RAB38: variants seen among roughly 807,000 people sequenced by gnomAD.
The protein encoded by RAB38 is RAB38, member RAS oncogene family, also known as ras-related protein Rab-38.
In RAB38, 15 loss-of-function variants were observed where a neutral mutation model predicts 18.4. The observed-to-expected ratio is 0.82, with a 90% CI of 0.55 to 1.26. RAB38 has a LOEUF of 1.26. Ranked by LOEUF, RAB38 falls within the 50% of genes most tolerant of loss-of-function variation. The pLI, the probability that RAB38 is intolerant of heterozygous loss-of-function variation, is 0.00. For missense variants in RAB38, 294 were observed against 267.4 expected (o/e 1.10, Z -0.69); for synonymous variants, 101 against 104.4 (o/e 0.97, Z 0.20).
the RAB38 span, among the ~76,000 whole-genome samples, chr11:87,949,831 AGGTGT>A: frequency 1.3e-5 from 2 of 152,170 alleles, no homozygotes; most frequent in African/African-American, 4.8e-5. Context: ...GTTTTGGAGT[AGGTGT>A]GGTGTGGTGC....
the RAB38 span, among the ~76,000 whole-genome samples, chr11:87,846,125 T>C: frequency 6.6e-6 from 1 of 151,782 alleles, no homozygotes; most frequent in Non-Finnish European, 1.5e-5. Context: ...AAAAGCCAGA[T>C]AATAAATCAA....
At chr11:87,873,239 T>C in the RAB38 span, among the ~76,000 whole-genome samples, 4 of 151,658 alleles carry the variant, frequency 2.6e-5, no homozygotes, top group Non-Finnish European at 5.9e-5. Flanking sequence ...TTGTTATCTG[T>C]ATATCTTCTT....
At chr11:88,071,551 C>T in the RAB38 span, among the ~76,000 whole-genome samples, 3 of 152,232 alleles carry the variant, frequency 2.0e-5, no homozygotes, top group Admixed American at 6.5e-5. Flanking sequence ...AAATTAAAGG[C>T]AATGTTTTAC....
chr11:87,817,645 T>G, the RAB38 span: 2 of 152,174 alleles, frequency 1.3e-5, no homozygotes, highest in Non-Finnish European at 2.9e-5. Flanking sequence ...GGTTCACATA[T>G]TCCTCAATTG....
the RAB38 span, among the ~76,000 whole-genome samples, chr11:88,044,546 G>A: frequency 2.6e-5 from 4 of 152,136 alleles, no homozygotes; most frequent in Non-Finnish European, 4.4e-5. Flanking sequence ...ATACAAACTC[G>A]ACAGTGGTTC....
At chr11:87,943,637 T>C in the RAB38 span, among the ~76,000 whole-genome samples, 4 of 152,294 alleles carry the variant, frequency 2.6e-5, no homozygotes, top group Admixed American at 2.6e-4. Flanking sequence ...GTAAGAGGAT[T>C]CACCATACTT....
chr11:88,083,476 T>C, the RAB38 span, among the ~76,000 whole-genome samples: 1 of 151,892 alleles, frequency 6.6e-6, no homozygotes, highest in Non-Finnish European at 1.5e-5. Flanking sequence ...TCACTGGCAT[T>C]TTAGATTTAA....
At position 88,121,627 on chromosome 11, in the gene RAB38, A is replaced by G. The variant is rs559993556; in HGVS notation, c.484-7487T>C. On this transcript the variant is annotated intron_variant, in intron 2 of 2. Coordinates refer to ENST00000243662, the MANE Select transcript of RAB38 (RefSeq NM_022337.3). ...GCCCAGGCTGGAGTGCAGTGGCACA[A>G]TCTTGGCTCACTGCAAGCTCCACCT... 8.9e-4 allele frequency among the ~76,000 whole-genome samples: 136 copies of G among 152,070 alleles called. 2 individuals carry two copies. The highest frequency in any genetic ancestry group is 3.2e-3 in the African/African-American group (133 of 41,498).
the RAB38 span, among the ~76,000 whole-genome samples, chr11:88,074,760 T>C: frequency 3.9e-5 from 6 of 152,290 alleles, no homozygotes; most frequent in South Asian, 8.3e-4. Context: ...AGGCACAGGA[T>C]AGCTGAATGA....
At chr11:87,841,487 T>C in the RAB38 span, among the ~76,000 whole-genome samples, 58 of 152,348 alleles carry the variant, frequency 3.8e-4, no homozygotes, top group Non-Finnish European at 6.5e-4. Flanking sequence ...TTAATCACTA[T>C]AATTTCTGAA....
the RAB38 span, among the ~76,000 whole-genome samples, chr11:87,818,130 C>T: frequency 3.3e-5 from 5 of 152,110 alleles, no homozygotes; most frequent in African/African-American, 9.7e-5. Context: ...GCTCCATTTC[C>T]AGAGTTTCTT....
the RAB38 span, among the ~76,000 whole-genome samples, chr11:88,093,385 A>G: frequency 6.6e-6 from 1 of 151,930 alleles, no homozygotes; most frequent in Non-Finnish European, 1.5e-5. Flanking sequence ...GGAAGTGACT[A>G]CTAATGGTTA....
the RAB38 span, among the ~76,000 whole-genome samples, chr11:87,865,408 C>G: frequency 6.6e-6 from 1 of 151,674 alleles, no homozygotes. Context: ...AGATGCTATA[C>G]TCCTGGCTTT....
intron 2 of RAB38, among the ~76,000 whole-genome samples, chr11:88,131,462 C>T (rs1591161145): frequency 6.6e-6 from 1 of 152,184 alleles, no homozygotes; most frequent in African/African-American, 2.4e-5. Context: ...GTAGCTAAAA[C>T]TTTATTTCCC....
At chr11:87,830,530 T>C in the RAB38 span, among the ~76,000 whole-genome samples, 15,379 of 151,450 alleles carry the variant, frequency 0.1, 899 homozygotes, top group African/African-American at 0.14. Flanking sequence ...GTTTATTGAG[T>C]CCTTGTATGC....
At chr11:88,129,968 G>T (rs573924553) in intron 2 of RAB38, among the ~76,000 whole-genome samples, 1 of 152,148 alleles carries the variant, frequency 6.6e-6, no homozygotes, top group Non-Finnish European at 1.5e-5. Flanking sequence ...TTGAACCAAG[G>T]ATAGTGTAGG....
At chr11:87,907,889 T>C in the RAB38 span, among the ~76,000 whole-genome samples, 2 of 151,830 alleles carry the variant, frequency 1.3e-5, no homozygotes, top group East Asian at 1.9e-4. Flanking sequence ...GCTATACTTA[T>C]TTTTTGGTAG....
intron 2 of RAB38, among the ~76,000 whole-genome samples, chr11:88,135,715 ACT>A (rs1484392950): frequency 6.6e-6 from 1 of 152,038 alleles, no homozygotes; most frequent in African/African-American, 2.4e-5. Context: ...TTCCAAAGAA[ACT>A]CTTCCTTTTT....
At chr11:88,024,813 G>T in the RAB38 span, among the ~76,000 whole-genome samples, 1 of 152,006 alleles carries the variant, frequency 6.6e-6, no homozygotes, top group Admixed American at 6.5e-5. Flanking sequence ...AAATCAAAAC[G>T]ATTGAACTCA....
Sources: allele counts gnomAD v4.1 joint callset (sites outside exome capture counted in the v4.1 genomes callset), GRCh38; gene constraint gnomAD v4.1.1; transcripts MANE v1.5; gene names NCBI Gene and HGNC (gene_info 2026-07-23, HGNC 2026-07-21).